The following LDB3 variants were observed in gnomAD, a reference collection of about 807,000 sequenced individuals.
LDB3 encodes the protein LIM domain-binding protein 3.
LDB3 carries 49 observed loss-of-function variants against 69.0 expected under a neutral mutation model. The observed-to-expected ratio is 0.71, with a 90% confidence interval of 0.56 to 0.90. The LOEUF is 0.90. Among genes scored for constraint, LDB3 ranks in the 40% least tolerant of loss-of-function variants. The pLI, the probability that LDB3 is intolerant of heterozygous loss-of-function variation, is 0.00. For synonymous variants in LDB3, 387 were observed against 396.2 expected, an observed-to-expected ratio of 0.98 and a Z score of 0.28; for missense variants, 928 against 974.1, an observed-to-expected ratio of 0.95 and a Z score of 0.63.
At chr10:86,684,312 G>A (rs4934249) in intron 5 of LDB3, among the ~76,000 whole-genome samples, 20,344 of 152,196 alleles carry the variant, frequency 0.13, 1,556 homozygotes, top group African/African-American at 0.2. Context: ...CCACCATCCC[G>A]GCCCCAGGTC....
intron 7 of LDB3, among the ~76,000 whole-genome samples, chr10:86,693,721 T>A (rs886780668): frequency 6.6e-6 from 1 of 152,174 alleles, no homozygotes; most frequent in Non-Finnish European, 1.5e-5. Context: ...TTGATTTAGC[T>A]CAAAAGTTAA....
Position 86,704,709 on chromosome 10 carries a change from G to A in LDB3, c.897-1822G>A, listed in dbSNP as rs985449477. Among the ~76,000 whole-genome samples, 19 of 151,980 alleles carry A rather than the reference G, an allele frequency of 1.3e-4. No homozygotes were observed. The East Asian group carries it at 3.7e-3, about 30-fold the overall frequency. On this transcript the variant is annotated intron_variant, in intron 7 of 13. Coordinates refer to ENST00000361373, the MANE Select transcript of LDB3 (RefSeq NM_007078.3). ...ATTCTCCCGCCTCAGCCCCCAAGTA[G>A]CTGGGACTACAGGCACCCACCACCA...
chr10:86,714,790 C>G (rs1289037956), intron 9 of LDB3, among the ~76,000 whole-genome samples: 1 of 152,174 alleles, frequency 6.6e-6, no homozygotes, highest in African/African-American at 2.4e-5. Flanking sequence ...ATCTCCTGAC[C>G]TCATGATCTG....
chr10:86,685,981 G>A (rs534464805), intron 5 of LDB3, among the ~76,000 whole-genome samples: 6 of 152,090 alleles, frequency 3.9e-5, no homozygotes, highest in East Asian at 1.9e-4. Context: ...TGACGGTGGC[G>A]GGCGCAGGGG....
rs1363793778 is a variant in LDB3 at position 86,706,619 on chromosome 10, C to T, written c.985C>T (p.Pro329Ser). The change falls in exon 8 of 14, where the codon CCC (proline) becomes TCC (serine). Residue 329 changes from proline to serine, a missense_variant. Coordinates refer to ENST00000361373, the MANE Select transcript of LDB3 (RefSeq NM_007078.3). Reference protein sequence around the residue: ...ASAQPPAAASPSAASPPLATA... With the variant: ...ASAQPPAAASSSAASPPLATA... ...TGCCCAGCCACCTGCTGCTGCCTCT[C>T]CCAGTGCGGCTTCGCCACCCCTGGC... is the stretch of plus-strand genomic sequence containing the variant. 6.2e-7 allele frequency: 1 copy of T among 1,613,220 alleles called. No individual in the cohort carries two copies.
intron 5 of LDB3, among the ~76,000 whole-genome samples, chr10:86,682,659 C>T (rs1369621540): frequency 3.9e-5 from 6 of 152,238 alleles, no homozygotes; most frequent in Non-Finnish European, 8.8e-5. Flanking sequence ...GCAGTAGAGC[C>T]TAGTGGTTCA....
chr10:86,710,179 C>G, intron 9 of LDB3, 129 bp downstream of exon 9: 1 of 1,529,300 alleles, frequency 6.5e-7, no homozygotes, highest in South Asian at 1.2e-5. Context: ...TAATGATGCT[C>G]CGCCCTCCGT....
chr10:86,710,213 T>G, intron 9 of LDB3, 163 bp downstream of exon 9: 1 of 985,272 alleles, frequency 1.0e-6, no homozygotes. Flanking sequence ...GTCAGAATCC[T>G]ATGGAGCCTG....
In LDB3 at chr10:86,708,328, T is replaced by C. The variant is rs538198845; in HGVS notation, c.1086-1577T>C. Among the ~76,000 whole-genome samples, 4 of 152,288 alleles carry C rather than the reference T, an allele frequency of 2.6e-5. No individual in the cohort carries two copies. In the East Asian group the frequency reaches 7.7e-4, roughly 29 times the overall value. On this transcript the variant is annotated intron_variant, in intron 8 of 13. Coordinates refer to ENST00000361373, the MANE Select transcript of LDB3 (RefSeq NM_007078.3). ...CAAAGCTACCTCCGCTCCTCACACA[T>C]GGGCTGGGGTGGAGCGGGAGGTGGG...
In LDB3 at chr10:86,713,975, G is replaced by T. The variant is rs148817715; in HGVS notation, c.1232-2352G>T. Among the ~76,000 whole-genome samples the T allele has an allele frequency of 2.1e-3, 316 of 152,258 alleles. 2 individuals carry two copies. Among genetic ancestry groups the T allele is most frequent in the Non-Finnish European group, 3.7e-3 (249 of 68,012 alleles). On this transcript the variant is annotated intron_variant, in intron 9 of 13. Coordinates refer to ENST00000361373, the MANE Select transcript of LDB3 (RefSeq NM_007078.3). ...GTCTAACTGGGCTGGGCTTCCCTAG[G>T]TGAGCAGCAGGCCATGAGACAGGCT...
rs146869998 is a variant in LDB3 at position 86,685,263 on chromosome 10, C to T, written c.689+3460C>T. On this transcript the variant is annotated intron_variant, in intron 5 of 13. Coordinates refer to ENST00000361373, the MANE Select transcript of LDB3 (RefSeq NM_007078.3). ...CTCTTAGTCCGGAGCTGCTGACAGGCAGGGAGGCCCCTGGGCCTCAGCCTT... is the reference window on the plus strand; with the variant it reads ...CTCTTAGTCCGGAGCTGCTGACAGGTAGGGAGGCCCCTGGGCCTCAGCCTT... 8.8e-3 allele frequency among the ~76,000 whole-genome samples: 1,334 copies of T among 152,328 alleles called. 11 individuals are homozygous for T. The highest frequency in any genetic ancestry group is 0.016 in the Non-Finnish European group (1,096 of 68,012).
In LDB3 at chr10:86,726,120, T is replaced by C. The variant is rs2132503334; in HGVS notation, c.1979-17T>C. The C allele has an allele frequency of 6.2e-7, 1 of 1,605,296 alleles. No individual in the cohort carries two copies. Among genetic ancestry groups the C allele is most frequent in the East Asian group, 2.2e-5 (1 of 44,852 alleles). On this transcript the variant is annotated splice_polypyrimidine_tract_variant and intron_variant, in intron 12 of 13. Coordinates refer to ENST00000361373, the MANE Select transcript of LDB3 (RefSeq NM_007078.3). The stretch of plus-strand genomic sequence containing the variant: ...CCCCCACTGGGTGCGGGGTCTTCAC[T>C]CTGCTTTTCATTTCAGACTACATCA...
intron 13 of LDB3, among the ~76,000 whole-genome samples, chr10:86,731,813 T>C (rs1321229936): frequency 2.6e-5 from 4 of 151,724 alleles, no homozygotes; most frequent in Admixed American, 2.6e-4. Context: ...TGTTCCTTTT[T>C]GGCATTGCTG....
intron 2 of LDB3, among the ~76,000 whole-genome samples, chr10:86,670,992 C>T (rs528041982): frequency 5.9e-5 from 9 of 152,334 alleles, no homozygotes. Context: ...GCTCGCAGGG[C>T]CCTTCTGCAC....
chr10:86,690,482 A>G lies in LDB3; in HGVS notation c.690-1414A>G, dbSNP rs1276049619. ...TCCCAACCACAGGCTGCCAGTACCTATAGCTCTCTGGGCCAGGGCAGGGCC... is the reference window on the plus strand; with the variant it reads ...TCCCAACCACAGGCTGCCAGTACCTGTAGCTCTCTGGGCCAGGGCAGGGCC... On this transcript the variant is annotated intron_variant, in intron 5 of 13. Coordinates refer to ENST00000361373, the MANE Select transcript of LDB3 (RefSeq NM_007078.3). Among the ~76,000 whole-genome samples the G allele has an allele frequency of 5.9e-5, 9 of 152,322 alleles. 1 individual carries two copies. The East Asian group carries it at 1.7e-3, about 29-fold the overall frequency.
chr10:86,668,899 C>T lies in LDB3; in HGVS notation c.93+115C>T, dbSNP rs45501499. 265 of 816,224 alleles carry T rather than the reference C, an allele frequency of 3.2e-4. 2 individuals carry two copies. In the East Asian group the frequency reaches 6.9e-3, roughly 21 times the overall value. 50.6% of individuals were successfully genotyped at this position (816,224 alleles called of 1,614,324 possible). On this transcript the variant is annotated intron_variant, in intron 2 of 13. Transcript: ENST00000361373. ...GAGCCTCTCAGAAAGCAGAGCATGC[C>T]CCATCCCCTGGGACTGGCCTGGTCC...
chr10:86,675,000 C>A (rs1264677955), intron 2 of LDB3, among the ~76,000 whole-genome samples: 1 of 152,162 alleles, frequency 6.6e-6, no homozygotes, highest in Non-Finnish European at 1.5e-5. Context: ...CCCCAGCCCC[C>A]ACCCTGAGGG....
At chr10:86,710,336 T>TC (rs1846600723) in intron 9 of LDB3, 1 of 869,842 alleles carries the variant, frequency 1.1e-6, no homozygotes, top group Admixed American at 6.2e-5. Flanking sequence ...ACACTTGGAA[T>TC]CCCAGCACTT....
chr10:86,673,110 C>T (rs1176047513), intron 2 of LDB3, among the ~76,000 whole-genome samples: 1 of 152,254 alleles, frequency 6.6e-6, no homozygotes, highest in African/African-American at 2.4e-5. Context: ...TGCCCAGGAA[C>T]CATCCTTGGA....
Sources: allele counts gnomAD v4.1 joint callset (sites outside exome capture counted in the v4.1 genomes callset), GRCh38; gene constraint gnomAD v4.1.1; transcripts MANE v1.5; gene names NCBI Gene and HGNC (gene_info 2026-07-23, HGNC 2026-07-21).